SH3RF1: variants seen among roughly 807,000 people sequenced by gnomAD.
SH3RF1 encodes the protein E3 ubiquitin-protein ligase SH3RF1.
SH3RF1 carries 32 observed loss-of-function variants against 74.0 expected under a neutral mutation model. That is an observed-to-expected ratio of 0.43 (90% CI 0.33 to 0.58). The LOEUF (loss-of-function observed/expected upper bound fraction) is 0.58, where lower values mean the gene tolerates loss of function less well. Ranked by LOEUF, SH3RF1 falls within the 20% of genes least tolerant of loss-of-function variation. SH3RF1 has a pLI of 0.05. For missense variants in SH3RF1, 954 were observed against 1,130.9 expected (o/e 0.84, Z 2.24); for synonymous variants, 396 against 439.6 (o/e 0.90, Z 1.24).
intron 2 of SH3RF1, among the ~76,000 whole-genome samples, chr4:169,196,129 A>G (rs530892447): frequency 6.6e-6 from 1 of 152,264 alleles, no homozygotes; most frequent in African/African-American, 2.4e-5. Flanking sequence ...CAATAATTAT[A>G]AAGTCTATTT....
intron 6 of SH3RF1, among the ~76,000 whole-genome samples, chr4:169,124,197 G>A (rs1733487753): frequency 6.6e-6 from 1 of 152,184 alleles, no homozygotes; most frequent in Non-Finnish European, 1.5e-5. Context: ...TCTCAAAACA[G>A]TGTGGCTGTG....
At chr4:169,253,374 T>C (rs1018727956) in intron 2 of SH3RF1, among the ~76,000 whole-genome samples, 4 of 152,214 alleles carry the variant, frequency 2.6e-5, no homozygotes, top group Non-Finnish European at 5.9e-5. Flanking sequence ...TATAGTTAAA[T>C]TGTTGATACA....
chr4:169,156,384 C>T lies in SH3RF1; in HGVS notation c.669+20G>A. 2.6e-6 allele frequency: 4 copies of T among 1,535,442 alleles called. No individual in the cohort carries two copies. The highest frequency in any genetic ancestry group is 2.3e-5 in the East Asian group (1 of 43,972). Reference sequence around the variant, plus strand: ...AGAGGTAGAGCTGGCAAACAGAAAACAAGCACATTCTACCTTTACCTTTGC... The same window carrying T: ...AGAGGTAGAGCTGGCAAACAGAAAATAAGCACATTCTACCTTTACCTTTGC... On this transcript the variant is annotated intron_variant, in intron 3 of 11. Transcript: ENST00000284637.
chr4:169,130,715 A>AGGAACAAT (rs1179053552), intron 5 of SH3RF1, among the ~76,000 whole-genome samples: 2 of 152,388 alleles, frequency 1.3e-5, no homozygotes, highest in East Asian at 3.9e-4. Flanking sequence ...AAATCTTTAA[A>AGGAACAAT]GGAACAATGT....
intron 10 of SH3RF1, among the ~76,000 whole-genome samples, chr4:169,115,717 T>C (rs1160601581): frequency 2.0e-5 from 3 of 152,314 alleles, no homozygotes; most frequent in East Asian, 1.9e-4. Flanking sequence ...CCTGGGTCCA[T>C]GGAAAATCTG....
At chr4:169,156,298 C>A (rs779715563) in intron 3 of SH3RF1, 106 bp downstream of exon 3, 3 of 1,328,378 alleles carry the variant, frequency 2.3e-6, no homozygotes, top group Admixed American at 2.5e-5. Context: ...GTAGTTCACA[C>A]AAAACTTGTA....
At chr4:169,251,393 T>G (rs1731102999) in intron 2 of SH3RF1, among the ~76,000 whole-genome samples, 1 of 152,220 alleles carries the variant, frequency 6.6e-6, no homozygotes, top group Non-Finnish European at 1.5e-5. Context: ...TCAGATAATC[T>G]CAGTCAAGCA....
chr4:169,117,046 C>T (rs1477551787), intron 9 of SH3RF1, among the ~76,000 whole-genome samples: 1 of 152,132 alleles, frequency 6.6e-6, no homozygotes, highest in African/African-American at 2.4e-5. Context: ...AGTTCACAAG[C>T]CTTTAGTTTA....
intron 6 of SH3RF1, among the ~76,000 whole-genome samples, chr4:169,128,581 GT>G (rs1402626173): frequency 4.6e-5 from 7 of 152,088 alleles, no homozygotes; most frequent in Admixed American, 4.6e-4. Flanking sequence ...ATCCCACCTT[GT>G]TTCTAAATCA....
Position 169,181,483 on chromosome 4 carries a change from G to A in SH3RF1, c.394-24804C>T, listed in dbSNP as rs142042214. ...TCACCATGTTGGCCAGGATGGTCTCGATCTCCTGACCTCATGATCCACCCG... is the reference window on the plus strand; with the variant it reads ...TCACCATGTTGGCCAGGATGGTCTCAATCTCCTGACCTCATGATCCACCCG... On this transcript the variant is annotated intron_variant, in intron 2 of 11. Coordinates refer to ENST00000284637, the MANE Select transcript of SH3RF1 (RefSeq NM_020870.4). Among the ~76,000 whole-genome samples the A allele has an allele frequency of 3.9e-3, 594 of 151,794 alleles. 5 individuals are homozygous for A. Among genetic ancestry groups the A allele is most frequent in the African/African-American group, 0.014 (569 of 41,358 alleles).
At chr4:169,145,355 T>C (rs1243685321) in intron 4 of SH3RF1, among the ~76,000 whole-genome samples, 1 of 151,990 alleles carries the variant, frequency 6.6e-6, no homozygotes, top group Non-Finnish European at 1.5e-5. Flanking sequence ...TACTGCATTT[T>C]CCCACTTATA....
chr4:169,097,152 C>T (rs967783767), intron 11 of SH3RF1, among the ~76,000 whole-genome samples: 1 of 152,186 alleles, frequency 6.6e-6, no homozygotes, highest in African/African-American at 2.4e-5. Context: ...CTCTGCTCCA[C>T]CTCTATGTTG....
At chr4:169,241,857 C>G (rs1730916652) in intron 2 of SH3RF1, among the ~76,000 whole-genome samples, 1 of 152,148 alleles carries the variant, frequency 6.6e-6, no homozygotes, top group Non-Finnish European at 1.5e-5. Flanking sequence ...TCCCTCTTCT[C>G]TGGCCCTTAT....
chr4:169,214,625 C>T (rs749789870), intron 2 of SH3RF1, among the ~76,000 whole-genome samples: 5 of 152,104 alleles, frequency 3.3e-5, no homozygotes, highest in African/African-American at 9.7e-5. Flanking sequence ...TTTCCTTGCA[C>T]AGATATTGCA....
At chr4:169,118,585 A>G (rs1733382411) in intron 8 of SH3RF1, among the ~76,000 whole-genome samples, 1 of 152,028 alleles carries the variant, frequency 6.6e-6, no homozygotes, top group South Asian at 2.1e-4. Context: ...CCTCCCGAGT[A>G]GCTGGGAGTA....
intron 4 of SH3RF1, among the ~76,000 whole-genome samples, chr4:169,153,162 T>C (rs981741902): frequency 1.3e-5 from 2 of 152,138 alleles, no homozygotes; most frequent in African/African-American, 2.4e-5. Context: ...TAGGTTCTTT[T>C]ATTTGATTAT....
At chr4:169,224,267 A>G (rs576973503) in intron 2 of SH3RF1, among the ~76,000 whole-genome samples, 26 of 152,296 alleles carry the variant, frequency 1.7e-4, no homozygotes, top group African/African-American at 6.3e-4. Context: ...AGAGAGCTAT[A>G]AACAGAGGAA....
At chr4:169,123,973 G>A (rs1451940154) in intron 6 of SH3RF1, among the ~76,000 whole-genome samples, 1 of 152,146 alleles carries the variant, frequency 6.6e-6, no homozygotes, top group Non-Finnish European at 1.5e-5. Context: ...CAGGAGAAGG[G>A]CAAGCATTTA....
intron 5 of SH3RF1, among the ~76,000 whole-genome samples, chr4:169,134,827 T>C (rs1561032959): frequency 2.0e-5 from 3 of 152,256 alleles, no homozygotes; most frequent in East Asian, 1.9e-4. Context: ...GCATGTCTTA[T>C]GTCTGCCACT....
Sources: gnomAD v4.1 joint callset for allele counts (sites outside exome capture counted in the v4.1 genomes callset) on GRCh38, gnomAD v4.1.1 for gene constraint, MANE v1.5 for transcripts, NCBI Gene and HGNC (gene_info 2026-07-23, HGNC 2026-07-21) for gene names.